AKAP12: variants seen among roughly 807,000 people sequenced by gnomAD.
The protein encoded by AKAP12 is A-kinase anchor protein 12.
A neutral mutation model predicts 79.9 loss-of-function variants in AKAP12; 32 were observed. The observed-to-expected ratio is 0.40, with a 90% confidence interval of 0.30 to 0.54. The LOEUF (loss-of-function observed/expected upper bound fraction) is 0.54, where lower values mean the gene tolerates loss of function less well. AKAP12 is among the 20% of genes least tolerant of loss of function. The pLI is 0.48. For missense variants in AKAP12, 2,074 were observed against 2,177.0 expected, an observed-to-expected ratio of 0.95 and a Z score of 0.94; for synonymous variants, 808 against 857.0, an observed-to-expected ratio of 0.94 and a Z score of 1.00.
At chr6:151,300,189 G>A (rs1167728231) in intron 2 of AKAP12, among the ~76,000 whole-genome samples, 1 of 152,158 alleles carries the variant, frequency 6.6e-6, no homozygotes, top group African/African-American at 2.4e-5. Context: ...TTTGTCGTGG[G>A]ATTTAAAATT....
intron 2 of AKAP12, among the ~76,000 whole-genome samples, chr6:151,283,071 G>C (rs1776439106): frequency 6.6e-6 from 1 of 152,152 alleles, no homozygotes; most frequent in African/African-American, 2.4e-5. Context: ...GGAGATTTTA[G>C]AAAAGTGGAG....
At chr6:151,317,930 G>A (rs941826241) in intron 3 of AKAP12, among the ~76,000 whole-genome samples, 1 of 152,192 alleles carries the variant, frequency 6.6e-6, no homozygotes, top group African/African-American at 2.4e-5. Flanking sequence ...GATTGATAGT[G>A]TCCAACCAAA....
intron 2 of AKAP12, among the ~76,000 whole-genome samples, chr6:151,302,347 C>T (rs570067866): frequency 2.8e-4 from 42 of 152,104 alleles, no homozygotes; most frequent in African/African-American, 7.0e-4. Context: ...TATTTGGAGA[C>T]GAGGGTCTCT....
At chr6:151,249,490 A>G (rs2114682048) in intron 2 of AKAP12, among the ~76,000 whole-genome samples, 1 of 152,278 alleles carries the variant, frequency 6.6e-6, no homozygotes, top group Admixed American at 6.5e-5. Context: ...TTTCATAAAT[A>G]CTTCTTTACT....
intron 3 of AKAP12, among the ~76,000 whole-genome samples, chr6:151,338,016 G>A (rs1225751407): frequency 6.6e-6 from 1 of 152,204 alleles, no homozygotes; most frequent in Non-Finnish European, 1.5e-5. Context: ...CTGCTTGGGC[G>A]ATAGAGGGAC....
chr6:151,337,045 A>G (rs892875151), intron 3 of AKAP12, among the ~76,000 whole-genome samples: 1 of 152,126 alleles, frequency 6.6e-6, no homozygotes, highest in Non-Finnish European at 1.5e-5. Flanking sequence ...CTTGTTGTTT[A>G]ATACGTAGAT....
chr6:151,252,732 G>GGGAAAA (rs1357356762), intron 2 of AKAP12, among the ~76,000 whole-genome samples: 1 of 95,822 alleles, frequency 1.0e-5, no homozygotes, highest in South Asian at 3.6e-4. Flanking sequence ...CTGTCTCTGG[G>GGGAAAA]AAAAAAAAAA....
intron 2 of AKAP12, among the ~76,000 whole-genome samples, chr6:151,258,945 TGTGTTTATA>T (rs1797355001): frequency 6.6e-6 from 1 of 151,632 alleles, no homozygotes; most frequent in African/African-American, 2.4e-5. Flanking sequence ...TGTGTGTGTG[TGTGTTTATA>T]TACACACTAT....
intron 3 of AKAP12, chr6:151,341,610 TG>T: frequency 1.2e-6 from 1 of 826,744 alleles, no homozygotes; most frequent in Non-Finnish European, 1.5e-6. Flanking sequence ...AGGGGCGCGC[TG>T]GGCCTCACGG....
At chr6:151,312,524 G>A (rs1405757019) in intron 3 of AKAP12, among the ~76,000 whole-genome samples, 1 of 149,408 alleles carries the variant, frequency 6.7e-6, no homozygotes, top group Non-Finnish European at 1.5e-5. Flanking sequence ...GGGCACGGTG[G>A]CTCACGCCTG....
At chr6:151,332,283 G>T (rs183520810) in intron 3 of AKAP12, among the ~76,000 whole-genome samples, 1 of 151,978 alleles carries the variant, frequency 6.6e-6, no homozygotes, top group African/African-American at 2.4e-5. Context: ...TGATCCGCCC[G>T]CCTCGGCCTC....
intron 2 of AKAP12, among the ~76,000 whole-genome samples, chr6:151,275,036 C>T (rs183231134): frequency 8.3e-4 from 126 of 152,084 alleles, no homozygotes; most frequent in African/African-American, 3.0e-3. Flanking sequence ...CCTGGGAGGT[C>T]GAGGCTGCAG....
intron 2 of AKAP12, among the ~76,000 whole-genome samples, chr6:151,305,105 A>G (rs927880098): frequency 6.6e-6 from 1 of 151,574 alleles, no homozygotes; most frequent in Non-Finnish European, 1.5e-5. Context: ...TGTGGAAATG[A>G]GATCTCAGCT....
At chr6:151,251,051 T>G (rs1327402741) in intron 2 of AKAP12, among the ~76,000 whole-genome samples, 1 of 152,140 alleles carries the variant, frequency 6.6e-6, no homozygotes, top group East Asian at 1.9e-4. Context: ...AAGATTCCAA[T>G]AAGTTGGCTA....
At chr6:151,246,843 C>T (rs1286782963) in intron 2 of AKAP12, among the ~76,000 whole-genome samples, 1 of 152,148 alleles carries the variant, frequency 6.6e-6, no homozygotes, top group Admixed American at 6.5e-5. Context: ...TTTACTGCAG[C>T]CTCGACCTCC....
chr6:151,323,482 G>T (rs954645028), intron 3 of AKAP12, among the ~76,000 whole-genome samples: 9 of 151,702 alleles, frequency 5.9e-5, no homozygotes, highest in Non-Finnish European at 1.0e-4. Context: ...GAACCCGGGG[G>T]TCAGAGGTTG....
Position 151,245,472 on chromosome 6 carries a change from T to G in AKAP12, c.162+4748T>G, listed in dbSNP as rs868734077. On this transcript the variant is annotated intron_variant, in intron 2 of 4. Coordinates refer to ENST00000402676, the MANE Select transcript of AKAP12 (RefSeq NM_005100.4). ...CACCACGCCCAGCTAAGTTTCTGTA[T>G]TTTTAGTAGAGATGGGGTTTCACCA... 4.6e-5 allele frequency among the ~76,000 whole-genome samples: 7 copies of G among 151,962 alleles called. No individual in the cohort carries two copies. In the South Asian group the frequency reaches 6.2e-4, roughly 14 times the overall value.
chr6:151,339,460 A>G (rs992273134), intron 3 of AKAP12, among the ~76,000 whole-genome samples: 1 of 152,216 alleles, frequency 6.6e-6, no homozygotes, highest in Non-Finnish European at 1.5e-5. Context: ...AGCAAAATTG[A>G]GTGGAGAGTT....
At position 151,355,907 on chromosome 6, in the gene AKAP12, C is replaced by T. The variant is rs573206161; in HGVS notation, c.*193C>T. Reference sequence around the variant, plus strand: ...CCTGAGGCTTCATCAGGAGCTAGAGCCATTTAACATTTCCTCTTTCCAAGA... The same window carrying T: ...CCTGAGGCTTCATCAGGAGCTAGAGTCATTTAACATTTCCTCTTTCCAAGA... On this transcript the variant is annotated 3_prime_UTR_variant, in exon 5 of 5. Transcript: ENST00000402676. The T allele has an allele frequency of 2.0e-5, 3 of 152,670 alleles. No individual in the cohort carries two copies. In the South Asian group the frequency reaches 6.2e-4, roughly 32 times the overall value. The allele number at this position is 152,670 out of a possible 1,614,324, so 9.5% of individuals were successfully genotyped here.
Sources: allele counts gnomAD v4.1 joint callset (sites outside exome capture counted in the v4.1 genomes callset), GRCh38; gene constraint gnomAD v4.1.1; transcripts MANE v1.5; gene names NCBI Gene and HGNC (gene_info 2026-07-23, HGNC 2026-07-21).